Variants in SLC25A12 observed in about 807,000 individuals in gnomAD.
SLC25A12 encodes the protein solute carrier family 25 member 12.
Under a neutral mutation model 83.3 loss-of-function variants are expected in SLC25A12, and 32 were observed. That is an observed-to-expected ratio of 0.38 (90% confidence interval 0.29 to 0.52). SLC25A12 has a LOEUF of 0.52. SLC25A12 is among the 20% of genes least tolerant of loss of function. SLC25A12 has a pLI of 0.84. For synonymous variants in SLC25A12, 267 were observed against 291.1 expected, an observed-to-expected ratio of 0.92 and a Z score of 0.84; for missense variants, 611 against 835.6, an observed-to-expected ratio of 0.73 and a Z score of 3.31.
Position 171,893,242 on chromosome 2 carries a change from C to A in SLC25A12, c.29G>T (p.Arg10Leu). MAVKVQTTKRGDPHELRNIF... is the reference protein window; with the variant it reads MAVKVQTTKLGDPHELRNIF... ...GTTTCTTAACTCATGAGGATCCCCT[C>A]GCTTAGTTGTCTGCACCTGTAAGCA... is the stretch of plus-strand genomic sequence containing the variant. Residue 10 changes from arginine (R) to leucine (L), a missense_variant, in exon 2 of 18, where the codon CGA becomes CTA. Arg to Leu is a moderately radical substitution (Grantham distance 102, BLOSUM62 -2). Around this residue, in one of 3 missense-constraint regions of SLC25A12, gnomAD observed 34 missense variants for 23.0 expected, o/e 1.48. Transcript: ENST00000422440. 2 of 1,614,070 alleles carry A rather than the reference C, an allele frequency of 1.2e-6. No individual in the cohort carries two copies.
At chr2:171,815,566 A>G (rs1684035085) in intron 9 of SLC25A12, among the ~76,000 whole-genome samples, 1 of 152,226 alleles carries the variant, frequency 6.6e-6, no homozygotes. Context: ...TTTCAGTTAT[A>G]AAATTTTTTT....
At chr2:171,893,558 G>A (rs1369596415) in intron 1 of SLC25A12, among the ~76,000 whole-genome samples, 1 of 152,188 alleles carries the variant, frequency 6.6e-6, no homozygotes, top group East Asian at 1.9e-4. Context: ...TAGCAACACA[G>A]TAGTAACCAC....
intron 3 of SLC25A12, among the ~76,000 whole-genome samples, chr2:171,860,572 A>T (rs577168680): frequency 6.6e-6 from 1 of 152,340 alleles, no homozygotes; most frequent in East Asian, 1.9e-4. Context: ...ACTGCACTCC[A>T]GCCTGAGTAA....
chr2:171,876,555 G>GGT (rs1558941996), intron 2 of SLC25A12, among the ~76,000 whole-genome samples: 1 of 117,504 alleles, frequency 8.5e-6, no homozygotes, highest in East Asian at 3.3e-4. Context: ...GGGGGGGGGG[G>GGT]ACTCAAGTGA....
chr2:171,835,189 C>T (rs1201888286), intron 6 of SLC25A12, among the ~76,000 whole-genome samples: 1 of 152,354 alleles, frequency 6.6e-6, no homozygotes, highest in African/African-American at 2.4e-5. Context: ...TCAAGACCCT[C>T]AACTGTGAAA....
chr2:171,885,689 A>G (rs1369624629), intron 2 of SLC25A12, among the ~76,000 whole-genome samples: 2 of 152,066 alleles, frequency 1.3e-5, no homozygotes, highest in Non-Finnish European at 2.9e-5. Context: ...AAATAAATAA[A>G]TAAATAAATA....
At chr2:171,854,297 G>A (rs745440118) in intron 4 of SLC25A12, among the ~76,000 whole-genome samples, 194 of 152,104 alleles carry the variant, frequency 1.3e-3, no homozygotes, top group Non-Finnish European at 6.5e-4. Context: ...GGCCAGGCGC[G>A]GTGGCTCAGG....
chr2:171,799,539 T>C (rs1043272256), intron 13 of SLC25A12, among the ~76,000 whole-genome samples: 11 of 152,270 alleles, frequency 7.2e-5, no homozygotes, highest in African/African-American at 2.2e-4. Flanking sequence ...CCGCCTAACA[T>C]GTGGGCTTTT....
At chr2:171,881,836 G>C (rs1017930434) in intron 2 of SLC25A12, among the ~76,000 whole-genome samples, 2 of 152,040 alleles carry the variant, frequency 1.3e-5, no homozygotes, top group African/African-American at 4.8e-5. Context: ...CCATGGGATG[G>C]GAGGGGTAGG....
intron 4 of SLC25A12, among the ~76,000 whole-genome samples, chr2:171,852,475 T>C (rs1174803731): frequency 6.6e-6 from 1 of 152,250 alleles, no homozygotes; most frequent in Non-Finnish European, 1.5e-5. Flanking sequence ...CAGCTAATAT[T>C]GTCTTCCAAC....
intron 2 of SLC25A12, among the ~76,000 whole-genome samples, chr2:171,880,088 T>C (rs1685658743): frequency 1.3e-5 from 2 of 152,200 alleles, no homozygotes; most frequent in Non-Finnish European, 2.9e-5. Flanking sequence ...TACTGCAAGA[T>C]GATGTCTGAG....
chr2:171,802,679 G>A (rs1683734159), intron 13 of SLC25A12, among the ~76,000 whole-genome samples: 1 of 152,282 alleles, frequency 6.6e-6, no homozygotes, highest in Non-Finnish European at 1.5e-5. Context: ...GGGAGGCTGA[G>A]GCAGGAGAAT....
chr2:171,836,987 C>T (rs1684572901), intron 6 of SLC25A12, 134 bp downstream of exon 6: 1 of 780,898 alleles, frequency 1.3e-6, no homozygotes. Flanking sequence ...CACACACAAA[C>T]CTGTTTACTT....
intron 2 of SLC25A12, among the ~76,000 whole-genome samples, chr2:171,891,195 A>C (rs959743111): frequency 1.3e-5 from 2 of 152,012 alleles, no homozygotes; most frequent in Non-Finnish European, 2.9e-5. Context: ...AATCCCAGCT[A>C]CTCGGAGGCA....
chr2:171,840,365 G>T (rs1425426554), intron 5 of SLC25A12, among the ~76,000 whole-genome samples: 1 of 151,212 alleles, frequency 6.6e-6, no homozygotes, highest in Non-Finnish European at 1.5e-5. Context: ...CAGCCTGGGG[G>T]ACAAGGTAAG....
Position 171,813,430 on chromosome 2 carries a change from A to G in SLC25A12, c.1080T>C (p.Ser360=). 6.2e-7 allele frequency: 1 copy of G among 1,614,128 alleles called. No homozygotes were observed. Among genetic ancestry groups the G allele is most frequent in the Non-Finnish European group, 8.5e-7 (1 of 1,179,974 alleles). ...VKTRMQNQRG[S]GSVVGELMYK... is the part of the protein sequence containing the mutation. Reference sequence around the variant, plus strand: ...ACATTAGCTCCCCAACAACAGAGCCAGAGCCACGCTGGTTTTGCATTCGGG... The same window carrying G: ...ACATTAGCTCCCCAACAACAGAGCCGGAGCCACGCTGGTTTTGCATTCGGG... Residue 360 remains serine, a synonymous_variant, in exon 11 of 18, where the codon TCT becomes TCC. Transcript: ENST00000422440.
chr2:171,888,010 T>C (rs575874488), intron 2 of SLC25A12, among the ~76,000 whole-genome samples: 1 of 152,236 alleles, frequency 6.6e-6, no homozygotes, highest in South Asian at 2.1e-4. Context: ...AAGCCCTTCT[T>C]ATGAACTCCC....
chr2:171,852,893 T>G (rs2105903241), intron 4 of SLC25A12, among the ~76,000 whole-genome samples: 1 of 152,296 alleles, frequency 6.6e-6, no homozygotes, highest in East Asian at 1.9e-4. Flanking sequence ...TCAAAGTGGA[T>G]CCTTAAAACT....
intron 2 of SLC25A12, among the ~76,000 whole-genome samples, chr2:171,881,539 T>C (rs1685695207): frequency 6.6e-6 from 1 of 152,166 alleles, no homozygotes; most frequent in Admixed American, 6.5e-5. Flanking sequence ...AGGGAATTAT[T>C]GGCTTTTGGG....
Sources: allele counts gnomAD v4.1 joint callset (sites outside exome capture counted in the v4.1 genomes callset), GRCh38; gene constraint gnomAD v4.1.1; regional missense constraint gnomAD v4.1.1; transcripts MANE v1.5; gene names NCBI Gene and HGNC (gene_info 2026-07-23, HGNC 2026-07-21).